The following YEATS2 variants were observed in gnomAD, a reference collection of about 807,000 sequenced individuals.
YEATS2 encodes YEATS domain-containing protein 2.
YEATS2 carries 77 observed loss-of-function variants against 163.2 expected under a neutral mutation model. The observed-to-expected ratio is 0.47, with a 90% CI of 0.39 to 0.57. The LOEUF (loss-of-function observed/expected upper bound fraction) is 0.57, where lower values mean the gene tolerates loss of function less well. Among genes scored for constraint, YEATS2 ranks in the 20% least tolerant of loss-of-function variants. The pLI is 0.00. For missense variants in YEATS2, 1,549 were observed against 1,729.8 expected (o/e 0.90, Z 1.85); for synonymous variants, 631 against 645.1 (o/e 0.98, Z 0.33).
chr3:183,698,970 T>C (rs964641962), intron 1 of YEATS2, among the ~76,000 whole-genome samples: 1 of 152,144 alleles, frequency 6.6e-6, no homozygotes, highest in Non-Finnish European at 1.5e-5. Flanking sequence ...GATGCCCTGA[T>C]AAGGAGTTTA....
intron 1 of YEATS2, among the ~76,000 whole-genome samples, chr3:183,703,936 G>A (rs1371397759): frequency 6.6e-6 from 1 of 151,728 alleles, no homozygotes; most frequent in South Asian, 2.1e-4. Flanking sequence ...TGAGGCAGGC[G>A]GATCACCTGA....
intron 23 of YEATS2, among the ~76,000 whole-genome samples, chr3:183,799,639 C>T (rs866723783): frequency 5.9e-5 from 9 of 152,096 alleles, no homozygotes; most frequent in African/African-American, 1.9e-4. Flanking sequence ...TAGAGCAACA[C>T]GTGTGACATT....
chr3:183,776,191 A>G, intron 18 of YEATS2, 68 bp downstream of exon 18: 2 of 1,442,276 alleles, frequency 1.4e-6, no homozygotes, highest in East Asian at 4.8e-5. Flanking sequence ...ATTATAATTG[A>G]TTTACCTTTA....
At chr3:183,783,488 A>G (rs1030782383) in intron 19 of YEATS2, among the ~76,000 whole-genome samples, 23 of 152,226 alleles carry the variant, frequency 1.5e-4, no homozygotes, top group African/African-American at 3.9e-4. Flanking sequence ...GGCTAGGGTC[A>G]TGATTGATCT....
At chr3:183,796,123 C>T (rs1725127413) in intron 21 of YEATS2, among the ~76,000 whole-genome samples, 1 of 150,002 alleles carries the variant, frequency 6.7e-6, no homozygotes, top group African/African-American at 2.5e-5. Flanking sequence ...GCTTGAATTA[C>T]AGGCACCTGC....
At chr3:183,778,111 C>CAA (rs569250141) in intron 19 of YEATS2, among the ~76,000 whole-genome samples, 37 of 56,258 alleles carry the variant, frequency 6.6e-4, no homozygotes, top group Middle Eastern at 9.4e-3. Context: ...GATTCTGTCT[C>CAA]AAAAAAAAAA....
intron 9 of YEATS2, among the ~76,000 whole-genome samples, chr3:183,748,354 C>T (rs137864625): frequency 1.3e-4 from 20 of 150,528 alleles, no homozygotes; most frequent in African/African-American, 2.0e-4. Flanking sequence ...TGGGTTCAAG[C>T]GATTCTCCTG....
chr3:183,721,146 C>T (rs996140810), intron 4 of YEATS2, among the ~76,000 whole-genome samples: 2 of 152,150 alleles, frequency 1.3e-5, no homozygotes, highest in African/African-American at 2.4e-5. Context: ...GCTTTTGTCT[C>T]GTGATCAACC....
In YEATS2 at chr3:183,809,181, C is replaced by T. The variant is rs367993532; in HGVS notation, c.4160+11C>T. The T allele has an allele frequency of 2.8e-4, 451 of 1,613,592 alleles. No homozygotes were observed. The highest frequency in any genetic ancestry group is 3.6e-4 in the Non-Finnish European group (425 of 1,179,660). On this transcript the variant is annotated intron_variant, in intron 30 of 30. Transcript: ENST00000305135. ...AGCTTCTCACAACAGGTATTACTAT[C>T]TCTGCAGTCTGTGGTGTGAGGCTTA...
chr3:183,730,155 C>A (rs529455112), intron 7 of YEATS2, among the ~76,000 whole-genome samples: 2 of 136,458 alleles, frequency 1.5e-5, no homozygotes, highest in African/African-American at 5.5e-5. Flanking sequence ...ACCTCCACCC[C>A]CCAGGTTCAA....
chr3:183,762,966 GC>G lies in YEATS2; in HGVS notation c.1947+688del, dbSNP rs1468685910. Among the ~76,000 whole-genome samples, 3 of 152,000 alleles carry G rather than the reference GC, an allele frequency of 2.0e-5. No individual in the cohort carries two copies. In the East Asian group the frequency reaches 5.8e-4, roughly 29 times the overall value. ...CTCGGGAGACTGAGGCAGGAGAATT[GC>G]TTGAACCTGGGAGGCAGAGGTTGCG... On this transcript the variant is annotated intron_variant, in intron 15 of 30. Coordinates refer to ENST00000305135, the MANE Select transcript of YEATS2 (RefSeq NM_018023.5).
At chr3:183,755,210 C>A (rs187444485) in intron 11 of YEATS2, among the ~76,000 whole-genome samples, 430 of 152,114 alleles carry the variant, frequency 2.8e-3, no homozygotes, top group Non-Finnish European at 4.8e-3. Flanking sequence ...CCACCTCTCT[C>A]GGGTTCAAGT....
At position 183,736,845 on chromosome 3, in the gene YEATS2, A is replaced by G. The variant is rs775494795; in HGVS notation, c.924+16A>G. 37 of 1,597,514 alleles carry G rather than the reference A, an allele frequency of 2.3e-5. No individual in the cohort carries two copies. The highest frequency in any genetic ancestry group is 2.9e-5 in the Non-Finnish European group (34 of 1,168,836). On this transcript the variant is annotated intron_variant, in intron 8 of 30. Coordinates refer to ENST00000305135, the MANE Select transcript of YEATS2 (RefSeq NM_018023.5). ...TAATCTGAAGGTATTGTAACAAAAC[A>G]TTGCTCCCTAGTTTTGAAGTCTCTT...
intron 19 of YEATS2, among the ~76,000 whole-genome samples, chr3:183,781,921 T>G (rs1723601283): frequency 6.6e-6 from 1 of 151,990 alleles, no homozygotes; most frequent in Non-Finnish European, 1.5e-5. Context: ...AAAAATTTTT[T>G]TTTTCTATCA....
intron 6 of YEATS2, among the ~76,000 whole-genome samples, chr3:183,726,674 G>A (rs1253152812): frequency 1.3e-5 from 2 of 152,056 alleles, no homozygotes; most frequent in African/African-American, 4.8e-5. Context: ...CCCTCATTAG[G>A]CATATTCCCT....
At chr3:183,799,010 T>G (rs1725422648) in intron 23 of YEATS2, 21 bp downstream of exon 23, 6 of 1,585,348 alleles carry the variant, frequency 3.8e-6, no homozygotes, top group Non-Finnish European at 5.2e-6. Flanking sequence ...TCTCACAGAG[T>G]TCTCGTCCAG....
At chr3:183,797,865 A>T in intron 21 of YEATS2, 58 bp from the exon 22 acceptor site, 1 of 1,607,784 alleles carries the variant, frequency 6.2e-7, no homozygotes, top group South Asian at 1.1e-5. Flanking sequence ...ACAGAGGATA[A>T]GAGACTTTCC....
intron 7 of YEATS2, 126 bp downstream of exon 7, chr3:183,728,977 A>C (rs369210860): frequency 1.8e-6 from 2 of 1,135,356 alleles, no homozygotes; most frequent in African/African-American, 3.1e-5. Flanking sequence ...GCTCTTAGTC[A>C]AAATGTAGTT....
intron 1 of YEATS2, among the ~76,000 whole-genome samples, chr3:183,707,925 TG>T (rs1714786840): frequency 6.6e-6 from 1 of 151,864 alleles, no homozygotes; most frequent in Non-Finnish European, 1.5e-5. Flanking sequence ...CCACCCGCCT[TG>T]GCCTCCCAAA....
Sources: gnomAD v4.1 joint callset for allele counts (sites outside exome capture counted in the v4.1 genomes callset) on GRCh38, gnomAD v4.1.1 for gene constraint, MANE v1.5 for transcripts, NCBI Gene and HGNC (gene_info 2026-07-23, HGNC 2026-07-21) for gene names.